VPS13D: variants seen among roughly 807,000 people sequenced by gnomAD.
VPS13D encodes the protein vacuolar protein sorting 13 homolog D.
In VPS13D, 187 loss-of-function variants were observed where a neutral mutation model predicts 461.9. The ratio of observed to expected loss-of-function variants is 0.40; its 90% CI spans 0.36 to 0.46. VPS13D has a LOEUF of 0.46. VPS13D is among the 20% of genes least tolerant of loss of function. The pLI is 0.60. For synonymous variants in VPS13D, 1,951 were observed against 1,986.3 expected, an observed-to-expected ratio of 0.98 and a Z score of 0.47; for missense variants, 4,711 against 5,364.9, an observed-to-expected ratio of 0.88 and a Z score of 3.81.
intron 62 of VPS13D, among the ~76,000 whole-genome samples, 193 bp from the exon 63 acceptor site, chr1:12,403,632 C>T (rs1169561339): frequency 6.6e-6 from 1 of 152,100 alleles, no homozygotes; most frequent in African/African-American, 2.4e-5. Flanking sequence ...ATAAACAACA[C>T]AAAACAGATC....
In VPS13D at chr1:12,343,016, C is replaced by T. The variant is rs1557721288; in HGVS notation, c.8850C>T (p.Pro2950=). The T allele has an allele frequency of 6.2e-7, 1 of 1,612,848 alleles. No homozygotes were observed. Among genetic ancestry groups the T allele is most frequent in the South Asian group, 1.1e-5 (1 of 90,932 alleles). Residue 2950 remains proline (P), a synonymous_variant, in exon 42 of 70, where the codon CCC becomes CCT. Coordinates refer to ENST00000620676, the MANE Select transcript of VPS13D (RefSeq NM_015378.4). ...WREVLTGEEI[P]FEFEARGKLR... is the part of the protein sequence containing the mutation. ...AAGTCCTTACAGGTGAAGAGATTCCCTTTGAATTTGAAGCAAGAGGAAAGT... is the reference window on the plus strand; with the variant it reads ...AAGTCCTTACAGGTGAAGAGATTCCTTTTGAATTTGAAGCAAGAGGAAAGT...
chr1:12,369,834 C>T, intron 54 of VPS13D, 132 bp downstream of exon 54: 1 of 818,894 alleles, frequency 1.2e-6, no homozygotes. Context: ...AAACCCTGGG[C>T]TCAGTGTCTA....
intron 65 of VPS13D, among the ~76,000 whole-genome samples, chr1:12,433,343 A>AT (rs1184767600): frequency 3.3e-5 from 5 of 152,054 alleles, no homozygotes; most frequent in Non-Finnish European, 7.4e-5. Flanking sequence ...TTCAGGCCAG[A>AT]TGAAATCATG....
chr1:12,274,577 G>T (rs1557678718), intron 18 of VPS13D, among the ~76,000 whole-genome samples: 1 of 152,184 alleles, frequency 6.6e-6, no homozygotes. Flanking sequence ...CTCCCAAAGT[G>T]CTGGGATTGC....
intron 60 of VPS13D, among the ~76,000 whole-genome samples, chr1:12,398,354 CTT>C (rs1354405542): frequency 1.3e-5 from 2 of 150,928 alleles, no homozygotes; most frequent in Non-Finnish European, 2.9e-5. Context: ...AGTAGTTTAA[CTT>C]TTTTTTCTTT....
At chr1:12,362,635 A>T in intron 50 of VPS13D, 85 bp from the exon 51 acceptor site, 1 of 1,311,152 alleles carries the variant, frequency 7.6e-7, no homozygotes, top group Non-Finnish European at 1.1e-6. Context: ...GAAACTAAGT[A>T]ACTGTGAAGG....
At chr1:12,232,723 C>T (rs761972641) in intron 1 of VPS13D, among the ~76,000 whole-genome samples, 4 of 144,436 alleles carry the variant, frequency 2.8e-5, no homozygotes, top group Non-Finnish European at 4.5e-5. Flanking sequence ...ATCTAAATAC[C>T]GTGGCTGGAG....
intron 67 of VPS13D, among the ~76,000 whole-genome samples, chr1:12,463,303 G>T (rs929435467): frequency 6.6e-6 from 1 of 152,178 alleles, no homozygotes; most frequent in Non-Finnish European, 1.5e-5. Context: ...AGGCAAGTAG[G>T]GTATATGTTT....
chr1:12,232,413 C>T (rs1007335749), intron 1 of VPS13D, among the ~76,000 whole-genome samples: 8 of 152,124 alleles, frequency 5.3e-5, no homozygotes, highest in African/African-American at 1.2e-4. Flanking sequence ...GGTGGGGCAG[C>T]GTGCTTGGAG....
intron 32 of VPS13D, among the ~76,000 whole-genome samples, chr1:12,320,513 G>A (rs1192507407): frequency 6.6e-6 from 1 of 152,126 alleles, no homozygotes; most frequent in Non-Finnish European, 1.5e-5. Flanking sequence ...TATGGTTTAT[G>A]GTTTTGAGAC....
intron 68 of VPS13D, among the ~76,000 whole-genome samples, chr1:12,498,133 T>C (rs1236175787): frequency 6.6e-6 from 1 of 152,228 alleles, no homozygotes; most frequent in African/African-American, 2.4e-5. Context: ...GTTAGTGATA[T>C]TATTCCTAGT....
In VPS13D at chr1:12,362,879, G is replaced by A. The variant is rs774711912; in HGVS notation, c.10272+29G>A. ...AGCAGTTTGCTTTTGAAGGATGAGA[G>A]TGCCTATTTAATAGCACGAGTTTTA... On this transcript the variant is annotated intron_variant, in intron 51 of 69. Coordinates refer to ENST00000620676, the MANE Select transcript of VPS13D (RefSeq NM_015378.4). 3.1e-6 allele frequency: 5 copies of A among 1,613,594 alleles called. No homozygotes were observed. In the East Asian group the frequency reaches 6.7e-5, roughly 22 times the overall value.
chr1:12,314,442 A>G, intron 30 of VPS13D, 115 bp downstream of exon 30: 2 of 1,001,138 alleles, frequency 2.0e-6, no homozygotes, highest in South Asian at 1.6e-5. Flanking sequence ...AGATAAATAG[A>G]TAATGGCTTA....
In VPS13D at chr1:12,283,724, A is replaced by T. The variant is rs1022225992; in HGVS notation, c.5622A>T (p.Lys1874Asn). Reference protein sequence around the residue: ...ESGLQDPVNTKLDLKVHSLSL... With the variant: ...ESGLQDPVNTNLDLKVHSLSL... ...GACTTCAGGATCCAGTGAACACCAA[A>T]CTGGATCTCAAGGTATCCTCAGTTC... The change falls in exon 21 of 70, where the codon AAA (lysine) becomes AAT (asparagine). Residue 1874 changes from lysine (K) to asparagine (N), a missense_variant. This residue lies in a region of VPS13D where 4,411 missense variants were observed against 4,937.8 expected (regional missense o/e 0.89). Coordinates refer to ENST00000620676, the MANE Select transcript of VPS13D (RefSeq NM_015378.4). 2.5e-6 allele frequency: 4 copies of T among 1,612,060 alleles called. No homozygotes were observed. In the African/African-American group the frequency reaches 5.3e-5, roughly 22 times the overall value.
chr1:12,392,561 A>AG (rs1553187445), intron 60 of VPS13D, among the ~76,000 whole-genome samples: 1 of 151,346 alleles, frequency 6.6e-6, no homozygotes, highest in South Asian at 2.1e-4. Context: ...AAAAAAAAAA[A>AG]AAAGAAAGCA....
At chr1:12,246,882 T>C (rs897316585) in intron 5 of VPS13D, among the ~76,000 whole-genome samples, 30 of 152,176 alleles carry the variant, frequency 2.0e-4, no homozygotes, top group African/African-American at 6.8e-4. Context: ...CATTCATGAG[T>C]TGCTGGACAT....
At chr1:12,394,780 C>T (rs1484607839) in intron 60 of VPS13D, among the ~76,000 whole-genome samples, 3 of 152,094 alleles carry the variant, frequency 2.0e-5, no homozygotes, top group African/African-American at 7.2e-5. Context: ...CACGGTGGGC[C>T]ATCTTTTAAT....
At chr1:12,234,674 C>T (rs992950613) in intron 2 of VPS13D, among the ~76,000 whole-genome samples, 3 of 152,228 alleles carry the variant, frequency 2.0e-5, no homozygotes, top group Non-Finnish European at 2.9e-5. Context: ...AATGTACCGA[C>T]AGTGGCATTG....
chr1:12,482,775 G>A (rs12143496), intron 67 of VPS13D, among the ~76,000 whole-genome samples: 1 of 145,066 alleles, frequency 6.9e-6, no homozygotes, highest in African/African-American at 2.7e-5. Context: ...ATACATATAT[G>A]TATACATAGT....
Sources: gnomAD v4.1 joint callset for allele counts (sites outside exome capture counted in the v4.1 genomes callset) on GRCh38, gnomAD v4.1.1 for gene constraint, gnomAD v4.1.1 regional missense constraint, MANE v1.5 for transcripts, NCBI Gene and HGNC (gene_info 2026-07-23, HGNC 2026-07-21) for gene names.